The following MYLK variants were observed in gnomAD, a reference collection of about 807,000 sequenced individuals.
MYLK encodes the protein myosin light chain kinase.
Under a neutral mutation model 203.4 loss-of-function variants are expected in MYLK, and 106 were observed. The ratio of observed to expected loss-of-function variants is 0.52; its 90% CI spans 0.45 to 0.61. The LOEUF (loss-of-function observed/expected upper bound fraction) is 0.61, where lower values mean the gene tolerates loss of function less well. MYLK is among the 20% of genes least tolerant of loss of function. The probability of loss-of-function intolerance (pLI) is 0.00; values close to 1 mark genes in which losing one functional copy is unlikely to be tolerated. For synonymous variants in MYLK, 867 were observed against 959.5 expected, an observed-to-expected ratio of 0.90 and a Z score of 1.78; for missense variants, 2,072 against 2,442.3, an observed-to-expected ratio of 0.85 and a Z score of 3.20.
chr3:123,761,601 T>A (rs567017790), intron 4 of MYLK, among the ~76,000 whole-genome samples: 40 of 152,250 alleles, frequency 2.6e-4, no homozygotes, highest in African/African-American at 8.7e-4. Context: ...CTGCCCCATG[T>A]CCCAAGCTGC....
At chr3:123,846,093 A>T (rs2029942792) in intron 2 of MYLK, among the ~76,000 whole-genome samples, 1 of 152,226 alleles carries the variant, frequency 6.6e-6, no homozygotes, top group African/African-American at 2.4e-5. Context: ...TTTAGGATAA[A>T]GCACTTTTTA....
intron 1 of MYLK, among the ~76,000 whole-genome samples, chr3:123,881,979 T>C (rs72974264): frequency 6.6e-6 from 1 of 152,140 alleles, no homozygotes; most frequent in Non-Finnish European, 1.5e-5. Context: ...GCTGTCTGTC[T>C]ACCATTTTCA....
At chr3:123,766,161 T>C (rs1701087889) in intron 4 of MYLK, among the ~76,000 whole-genome samples, 2 of 152,254 alleles carry the variant, frequency 1.3e-5, no homozygotes, top group African/African-American at 4.8e-5. Context: ...TTCAATTAGC[T>C]ATATGTTTAT....
intron 11 of MYLK, among the ~76,000 whole-genome samples, chr3:123,727,208 G>A (rs948438148): frequency 2.7e-4 from 41 of 152,272 alleles, no homozygotes; most frequent in African/African-American, 8.4e-4. Flanking sequence ...GAGGATAGGC[G>A]ATGGGAGGGC....
chr3:123,663,404 G>A (rs758650675), intron 23 of MYLK, among the ~76,000 whole-genome samples: 14 of 152,244 alleles, frequency 9.2e-5, no homozygotes, highest in Admixed American at 3.3e-4. Flanking sequence ...ATGGGGCGTG[G>A]GGGTGAGGCC....
At chr3:123,738,788 C>T in intron 7 of MYLK, 109 bp downstream of exon 7, 2 of 1,420,544 alleles carry the variant, frequency 1.4e-6, no homozygotes, top group Non-Finnish European at 1.9e-6. Context: ...ACGGTGAGTC[C>T]ATTAAACCTC....
Position 123,615,074 on chromosome 3 carries a change from C to A in MYLK, c.5501-725G>T, listed in dbSNP as rs183865827. On this transcript the variant is annotated intron_variant, in intron 33 of 33. Coordinates refer to ENST00000360304, the MANE Select transcript of MYLK (RefSeq NM_053025.4). ...AAGTGATCCTCTGACCTTGACCTCC[C>A]AAAGTGCTGGGATTACAGGTGTGAG... Among the ~76,000 whole-genome samples, 337 of 151,124 alleles carry A rather than the reference C, an allele frequency of 2.2e-3. 1 individual carries two copies. Among genetic ancestry groups the A allele is most frequent in the African/African-American group, 7.9e-3 (328 of 41,280 alleles).
chr3:123,745,036 G>A (rs2062973785), intron 5 of MYLK, among the ~76,000 whole-genome samples: 1 of 152,108 alleles, frequency 6.6e-6, no homozygotes, highest in African/African-American at 2.4e-5. Context: ...TAGAAAATTT[G>A]TGCAGAGTAA....
At chr3:123,729,070 C>A (rs1576761416) in intron 11 of MYLK, among the ~76,000 whole-genome samples, 1 of 152,112 alleles carries the variant, frequency 6.6e-6, no homozygotes, top group Non-Finnish European at 1.5e-5. Flanking sequence ...AACTGAGGAG[C>A]CCAAATGGTT....
At chr3:123,855,611 C>T (rs1216157480) in intron 2 of MYLK, among the ~76,000 whole-genome samples, 2 of 151,488 alleles carry the variant, frequency 1.3e-5, no homozygotes, top group African/African-American at 2.4e-5. Context: ...TCTGCTCTAG[C>T]CTTGGTGATA....
rs2029943876 is a variant in MYLK, at chr3:123,846,113, G to C, written c.-126-14443C>G. Among the ~76,000 whole-genome samples, 4 of 152,282 alleles carry C rather than the reference G, an allele frequency of 2.6e-5. No homozygotes were observed. In the South Asian group the frequency reaches 8.3e-4, roughly 32 times the overall value. The stretch of plus-strand genomic sequence containing the variant: ...GATAAAGCACTTTTTAATGGTGAAA[G>C]ATTTCTATCATAGCGACAAAACGGA... On this transcript the variant is annotated intron_variant, in intron 2 of 33. Coordinates refer to ENST00000360304, the MANE Select transcript of MYLK (RefSeq NM_053025.4).
intron 5 of MYLK, among the ~76,000 whole-genome samples, chr3:123,748,855 G>C (rs1016177611): frequency 6.6e-6 from 1 of 152,106 alleles, no homozygotes; most frequent in Non-Finnish European, 1.5e-5. Flanking sequence ...CGGATCACAA[G>C]GTCAGGAGTT....
At chr3:123,638,621 A>T in intron 28 of MYLK, 1 of 391,826 alleles carries the variant, frequency 2.6e-6, no homozygotes, top group Non-Finnish European at 3.5e-6. Context: ...TGCCCGTGCT[A>T]CTGAGAACAT....
chr3:123,831,318 C>T, intron 3 of MYLK: 1 of 1,235,754 alleles, frequency 8.1e-7, no homozygotes. Context: ...ATTTCCACCA[C>T]CTTCGCCAGT....
intron 2 of MYLK, among the ~76,000 whole-genome samples, chr3:123,874,250 C>T (rs1411908601): frequency 6.6e-6 from 1 of 152,056 alleles, no homozygotes; most frequent in African/African-American, 2.4e-5. Context: ...TCAAAACTTA[C>T]AATAAAGCTA....
intron 17 of MYLK, among the ~76,000 whole-genome samples, 195 bp from the exon 18 acceptor site, chr3:123,701,200 A>T (rs1386936521): frequency 2.1e-5 from 3 of 145,760 alleles, no homozygotes; most frequent in African/African-American, 7.6e-5. Context: ...GGTTTATTAC[A>T]TCGGTAATGA....
At chr3:123,664,975 G>A (rs2108330656) in intron 22 of MYLK, among the ~76,000 whole-genome samples, 1 of 152,314 alleles carries the variant, frequency 6.6e-6, no homozygotes. Flanking sequence ...GGGGGAAGGA[G>A]AGGAATGTCT....
intron 13 of MYLK, among the ~76,000 whole-genome samples, chr3:123,721,634 G>A (rs865359): frequency 0.96 from 145,594 of 151,702 alleles, 70,114 homozygotes; most frequent in Non-Finnish European, 1. Flanking sequence ...CAGTGTGCAC[G>A]CTGTGACCCA....
intron 5 of MYLK, among the ~76,000 whole-genome samples, chr3:123,743,158 TAGAC>T (rs2062911023): frequency 6.6e-6 from 1 of 151,678 alleles, no homozygotes; most frequent in South Asian, 2.1e-4. Flanking sequence ...TAAAAAAAAT[TAGAC>T]TGAGCATTTT....
Sources: gnomAD v4.1 joint callset for allele counts (sites outside exome capture counted in the v4.1 genomes callset) on GRCh38, gnomAD v4.1.1 for gene constraint, MANE v1.5 for transcripts, NCBI Gene and HGNC (gene_info 2026-07-23, HGNC 2026-07-21) for gene names.